The following ARHGAP42 variants were observed in gnomAD, a reference collection of about 807,000 sequenced individuals.
The protein encoded by ARHGAP42 is rho GTPase-activating protein 42.
Under a neutral mutation model 125.0 loss-of-function variants are expected in ARHGAP42, and 63 were observed. The observed-to-expected ratio is 0.50, with a 90% CI of 0.41 to 0.62. ARHGAP42 has a LOEUF of 0.62. ARHGAP42 is among the 20% of genes least tolerant of loss of function. ARHGAP42 has a pLI of 0.00. For synonymous variants in ARHGAP42, 339 were observed against 351.0 expected (o/e 0.97, Z 0.38); for missense variants, 766 against 1,024.2 (o/e 0.75, Z 3.44).
At chr11:100,898,620 T>G (rs1281742843) in intron 4 of ARHGAP42, among the ~76,000 whole-genome samples, 1 of 152,208 alleles carries the variant, frequency 6.6e-6, no homozygotes. Flanking sequence ...TTTTCTAGTT[T>G]ATTTGTGTAG....
At chr11:100,893,015 T>G (rs548007018) in intron 4 of ARHGAP42, among the ~76,000 whole-genome samples, 4 of 152,282 alleles carry the variant, frequency 2.6e-5, no homozygotes, top group African/African-American at 9.6e-5. Flanking sequence ...TGTAAGTTAT[T>G]TCCTTCACCT....
chr11:100,774,285 A>C (rs1863056741), intron 2 of ARHGAP42, among the ~76,000 whole-genome samples: 1 of 152,160 alleles, frequency 6.6e-6, no homozygotes, highest in Non-Finnish European at 1.5e-5. Flanking sequence ...GTGGAGCATA[A>C]GGATCACGCT....
intron 2 of ARHGAP42, among the ~76,000 whole-genome samples, chr11:100,770,767 C>T (rs530185034): frequency 6.6e-6 from 1 of 152,210 alleles, no homozygotes; most frequent in Non-Finnish European, 1.5e-5. Context: ...TTAGTAGACA[C>T]AGGATTTCAC....
At chr11:100,872,360 GT>G (rs890028274) in intron 4 of ARHGAP42, among the ~76,000 whole-genome samples, 1 of 151,670 alleles carries the variant, frequency 6.6e-6, no homozygotes, top group Non-Finnish European at 1.5e-5. Context: ...CTATGTTTTA[GT>G]TTTTTTTCTT....
At chr11:100,933,285 T>A (rs1165193590) in intron 7 of ARHGAP42, 25 bp downstream of exon 7, 1 of 1,463,234 alleles carries the variant, frequency 6.8e-7, no homozygotes, top group East Asian at 2.5e-5. Context: ...GTTCTTACTG[T>A]CTCTCAGCAA....
At chr11:100,943,969 C>T (rs10895030) in intron 10 of ARHGAP42, 101 bp downstream of exon 10, 213,707 of 786,956 alleles carry the variant, frequency 0.27, 32,650 homozygotes, top group Middle Eastern at 0.33. Flanking sequence ...GTTTTTTAGT[C>T]TTTTAAAAAA....
chr11:100,896,460 T>G (rs1199614054), intron 4 of ARHGAP42, among the ~76,000 whole-genome samples: 2 of 152,218 alleles, frequency 1.3e-5, no homozygotes, highest in Admixed American at 6.5e-5. Context: ...CCACCAACAG[T>G]GTAAAAGCTT....
chr11:100,877,247 A>T (rs1036291967), intron 4 of ARHGAP42, among the ~76,000 whole-genome samples: 4 of 152,106 alleles, frequency 2.6e-5, no homozygotes, highest in African/African-American at 9.7e-5. Context: ...TTGAAAACTA[A>T]AGCTCAGATG....
chr11:100,875,672 AGGTCAACCCCATCCCACAGTG>A (rs1865806229), intron 4 of ARHGAP42, among the ~76,000 whole-genome samples: 1 of 152,112 alleles, frequency 6.6e-6, no homozygotes, highest in Non-Finnish European at 1.5e-5. Flanking sequence ...CAGGCAACAG[AGGTCAACCCCATCCCACAGTG>A]GGCTCTTCTC....
chr11:100,702,592 A>G (rs930328957), intron 1 of ARHGAP42, among the ~76,000 whole-genome samples: 19 of 151,492 alleles, frequency 1.3e-4, no homozygotes, highest in Non-Finnish European at 1.3e-4. Context: ...TGCAAAGTAC[A>G]ATAAAATGAG....
At chr11:100,692,227 A>G (rs1861203085) in intron 1 of ARHGAP42, among the ~76,000 whole-genome samples, 1 of 152,216 alleles carries the variant, frequency 6.6e-6, no homozygotes, top group African/African-American at 2.4e-5. Flanking sequence ...ATCAAAGGAA[A>G]AAAAAGATAA....
intron 22 of ARHGAP42, 84 bp from the exon 23 acceptor site, chr11:100,987,429 A>T: frequency 8.9e-7 from 1 of 1,128,164 alleles, no homozygotes; most frequent in Non-Finnish European, 1.3e-6. Flanking sequence ...AGTAAAAATT[A>T]ATAGCATTCT....
intron 1 of ARHGAP42, among the ~76,000 whole-genome samples, chr11:100,735,572 G>T (rs1274868665): frequency 1.3e-5 from 2 of 150,404 alleles, no homozygotes; most frequent in Non-Finnish European, 3.0e-5. Flanking sequence ...ACTGGGGAAA[G>T]GTTGGTGATT....
At position 100,827,901 on chromosome 11, in the gene ARHGAP42, T is replaced by C. The variant is rs550181600; in HGVS notation, c.313-31653T>C. On this transcript the variant is annotated intron_variant, in intron 3 of 23. Transcript: ENST00000298815. ...GGAAGAGAAAAAGTCAACTAGAATC[T>C]ACCCTTTACAAAACATAGGTTCTCT... is the stretch of plus-strand genomic sequence containing the variant. Among the ~76,000 whole-genome samples the C allele has an allele frequency of 2.6e-5, 4 of 152,304 alleles. No individual in the cohort carries two copies. In the East Asian group the frequency reaches 5.8e-4, roughly 22 times the overall value.
intron 7 of ARHGAP42, among the ~76,000 whole-genome samples, chr11:100,935,060 GA>G (rs1023704199): frequency 6.7e-6 from 1 of 148,224 alleles, no homozygotes; most frequent in East Asian, 2.0e-4. Flanking sequence ...AGGAATTGGA[GA>G]AAAAAAAATT....
At chr11:100,771,929 G>T (rs185058864) in intron 2 of ARHGAP42, among the ~76,000 whole-genome samples, 3 of 152,222 alleles carry the variant, frequency 2.0e-5, no homozygotes, top group African/African-American at 7.2e-5. Context: ...CTTGGGTTGC[G>T]TGTAAGATTC....
At chr11:100,863,279 G>A (rs12274135) in intron 4 of ARHGAP42, among the ~76,000 whole-genome samples, 39,556 of 152,032 alleles carry the variant, frequency 0.26, 5,476 homozygotes, top group Non-Finnish European at 0.3. Flanking sequence ...TTGCCTTGGA[G>A]ATTTCCCACA....
chr11:100,853,703 T>A (rs910231803), intron 3 of ARHGAP42, among the ~76,000 whole-genome samples: 21 of 152,132 alleles, frequency 1.4e-4, no homozygotes, highest in African/African-American at 5.1e-4. Flanking sequence ...TCCTCCACCT[T>A]ATGAGTATAG....
At chr11:100,834,257 A>T (rs1864729266) in intron 3 of ARHGAP42, among the ~76,000 whole-genome samples, 1 of 152,212 alleles carries the variant, frequency 6.6e-6, no homozygotes, top group African/African-American at 2.4e-5. Context: ...CAGGGCTATC[A>T]ATTCCAGAGT....
Sources: allele counts gnomAD v4.1 joint callset (sites outside exome capture counted in the v4.1 genomes callset), GRCh38; gene constraint gnomAD v4.1.1; transcripts MANE v1.5; gene names NCBI Gene and HGNC (gene_info 2026-07-23, HGNC 2026-07-21).